Variants in LAMB1 observed in about 807,000 individuals in gnomAD.
LAMB1 encodes laminin subunit beta-1.
LAMB1 carries 121 observed loss-of-function variants against 222.3 expected under a neutral mutation model. The observed-to-expected ratio is 0.54, with a 90% CI of 0.47 to 0.63. LAMB1 has a LOEUF of 0.63. Ranked by LOEUF, LAMB1 falls within the 30% of genes least tolerant of loss-of-function variation. The pLI is 0.00. For synonymous variants in LAMB1, 794 were observed against 807.2 expected, an observed-to-expected ratio of 0.98 and a Z score of 0.28; for missense variants, 2,172 against 2,240.8, an observed-to-expected ratio of 0.97 and a Z score of 0.62.
At chr7:107,957,615 T>A (rs1584505700) in intron 20 of LAMB1, among the ~76,000 whole-genome samples, 1 of 152,204 alleles carries the variant, frequency 6.6e-6, no homozygotes, top group Non-Finnish European at 1.5e-5. Context: ...AGAAGCAGAA[T>A]TGGGCCAGGA....
At chr7:107,941,747 TG>T (rs1406424883) in intron 24 of LAMB1, among the ~76,000 whole-genome samples, 2 of 144,174 alleles carry the variant, frequency 1.4e-5, no homozygotes, top group Non-Finnish European at 3.0e-5. Context: ...CTCTGCCTCC[TG>T]GCTGGGTTCA....
At chr7:107,957,185 T>G (rs1194828590) in intron 20 of LAMB1, among the ~76,000 whole-genome samples, 2 of 151,792 alleles carry the variant, frequency 1.3e-5, no homozygotes, top group Admixed American at 1.3e-4. Flanking sequence ...AGGTTGGGAG[T>G]TTGAGACCAG....
At chr7:107,947,003 A>G (rs541240813) in intron 24 of LAMB1, among the ~76,000 whole-genome samples, 3 of 152,276 alleles carry the variant, frequency 2.0e-5, no homozygotes, top group South Asian at 4.2e-4. Context: ...TTTGCTATCT[A>G]TGAATCAACA....
At chr7:108,003,085 T>C in intron 1 of LAMB1, 26 bp downstream of exon 1, 2 of 1,200,202 alleles carry the variant, frequency 1.7e-6, no homozygotes, top group Non-Finnish European at 2.2e-6. Flanking sequence ...GTGGGGAAAA[T>C]CGTGCAGCCA....
At chr7:107,941,044 C>A in intron 24 of LAMB1, among the ~76,000 whole-genome samples, 1 of 152,196 alleles carries the variant, frequency 6.6e-6, no homozygotes, top group Non-Finnish European at 1.5e-5. Context: ...GGGGTGTCTG[C>A]CATTGTGATG....
At position 107,931,495 on chromosome 7, in the gene LAMB1, A is replaced by G. The variant is rs754147237; in HGVS notation, c.4398T>C (p.Ser1466=). 1.2e-6 allele frequency: 2 copies of G among 1,613,236 alleles called. No individual in the cohort carries two copies. The highest frequency in any genetic ancestry group is 3.3e-5 in the Admixed American group (2 of 59,958). Residue 1466 remains serine, a synonymous_variant, in exon 29 of 34, where the codon TCT becomes TCC. Coordinates refer to ENST00000222399, the MANE Select transcript of LAMB1 (RefSeq NM_002291.3). Reference sequence around the variant, plus strand: ...CCTCATCTGCCCTCAGTTTTGCTTCAGAGACCTAAATATGAAGAATAAATT... The same window carrying G: ...CCTCATCTGCCCTCAGTTTTGCTTCGGAGACCTAAATATGAAGAATAAATT... The part of the protein sequence containing the change: ...AEVEQLSKMV[S]EAKLRADEAK...
intron 15 of LAMB1, 84 bp downstream of exon 15, chr7:107,962,821 C>G (rs951073004): frequency 1.8e-6 from 2 of 1,120,102 alleles, no homozygotes; most frequent in Non-Finnish European, 2.6e-6. Context: ...TATTTCATAA[C>G]TATATATAAT....
intron 24 of LAMB1, among the ~76,000 whole-genome samples, chr7:107,943,874 G>T (rs747358129): frequency 2.0e-5 from 3 of 152,192 alleles, no homozygotes; most frequent in Non-Finnish European, 4.4e-5. Context: ...CCTTCAAAAG[G>T]TGGAGCTGGA....
At chr7:107,983,277 T>C (rs1272999370) in intron 7 of LAMB1, among the ~76,000 whole-genome samples, 1 of 152,152 alleles carries the variant, frequency 6.6e-6, no homozygotes, top group Non-Finnish European at 1.5e-5. Flanking sequence ...GGAAGTTTTT[T>C]GGGGCCTTGG....
Position 107,937,223 on chromosome 7 carries a change from A to T in LAMB1, c.3816T>A (p.Ser1272=), listed in dbSNP as rs753046569. 9 of 1,614,068 alleles carry T rather than the reference A, an allele frequency of 5.6e-6. No homozygotes were observed. Among genetic ancestry groups the T allele is most frequent in the Admixed American group, 1.7e-5 (1 of 60,030 alleles). ...TGCTGTTGCTTTGGGAAGTTGTGTCAGATAATTTCACTTCTACTTGAGCCA... is the reference window on the plus strand; with the variant it reads ...TGCTGTTGCTTTGGGAAGTTGTGTCTGATAATTTCACTTCTACTTGAGCCA... ...EMMAQVEVKL[S]DTTSQSNSTA... is the part of the protein sequence containing the mutation. The change falls in exon 26 of 34, where the codon TCT becomes TCA. Residue 1272 remains serine (S), a synonymous_variant. Coordinates refer to ENST00000222399, the MANE Select transcript of LAMB1 (RefSeq NM_002291.3).
At chr7:107,998,237 C>A in intron 4 of LAMB1, 120 bp downstream of exon 4, 1 of 941,182 alleles carries the variant, frequency 1.1e-6, no homozygotes. Context: ...GTCAATCTGT[C>A]AGAGGCCATA....
rs1312073679 is a variant in LAMB1, at chr7:107,929,573, T to C, written c.4584A>G (p.Val1528=). The C allele has an allele frequency of 1.9e-6, 3 of 1,614,142 alleles. No homozygotes were observed. In the East Asian group the frequency reaches 6.7e-5, roughly 36 times the overall value. The stretch of plus-strand genomic sequence containing the variant: ...GGGTGCTAGGCATCTCCATTTTCAA[T>C]ACTTCATTAGCAACTGCTTCAATGC... ...LDSIEAVANE[V]LKMEMPSTPQ... Residue 1528 remains valine, a synonymous_variant, in exon 30 of 34, where the codon GTA becomes GTG. Transcript: ENST00000222399.
At chr7:107,975,624 G>T in intron 10 of LAMB1, 65 bp downstream of exon 10, 1 of 1,462,494 alleles carries the variant, frequency 6.8e-7, no homozygotes, top group South Asian at 1.3e-5. Flanking sequence ...TGAGACTACT[G>T]ACTATTCAGT....
intron 5 of LAMB1, among the ~76,000 whole-genome samples, chr7:107,991,862 C>T (rs1020981669): frequency 3.5e-5 from 5 of 141,362 alleles, no homozygotes; most frequent in East Asian, 4.2e-4. Context: ...GAGCTGAGAT[C>T]GCGCCACTGC....
chr7:107,992,160 G>A (rs1448893980), intron 5 of LAMB1, among the ~76,000 whole-genome samples: 1 of 152,070 alleles, frequency 6.6e-6, no homozygotes, highest in African/African-American at 2.4e-5. Flanking sequence ...GCCATGAATG[G>A]CCTTTCTTCC....
Position 107,940,308 on chromosome 7 carries a change from T to C in LAMB1, c.3442A>G (p.Thr1148Ala), listed in dbSNP as rs1248711031. Residue 1148 changes from threonine (T) to alanine (A), a missense_variant, in exon 25 of 34, where the codon ACG (threonine) becomes GCG (alanine). Physicochemically the swap from Thr to Ala is moderately conservative, Grantham distance 58. Coordinates refer to ENST00000222399, the MANE Select transcript of LAMB1 (RefSeq NM_002291.3). ...CCCTCAACGCAGACACACTGGCCCG[T>C]GGACTGGTCACACTGTGGCGTCTCA... is the stretch of plus-strand genomic sequence containing the variant. ...GIETPQCDQS[T>A]GQCVCVEGVE... 1 of 1,614,076 alleles carries C rather than the reference T, an allele frequency of 6.2e-7. No individual in the cohort carries two copies. The highest frequency in any genetic ancestry group is 1.3e-5 in the African/African-American group (1 of 74,924).
intron 28 of LAMB1, chr7:107,931,723 T>A: frequency 1.9e-6 from 1 of 538,690 alleles, no homozygotes; most frequent in Non-Finnish European, 3.2e-6. Flanking sequence ...AACTAGCATT[T>A]AAAATTTTTC....
At chr7:107,929,289 TC>T in intron 30 of LAMB1, 84 bp from the exon 31 acceptor site, 1 of 1,545,666 alleles carries the variant, frequency 6.5e-7, no homozygotes, top group African/African-American at 1.4e-5. Context: ...AGAATAGCCT[TC>T]CTGAAATGAC....
chr7:107,928,955 C>A, intron 31 of LAMB1, 109 bp downstream of exon 31: 1 of 1,042,174 alleles, frequency 9.6e-7, no homozygotes, highest in Non-Finnish European at 1.5e-6. Context: ...TTAAAGGAAT[C>A]CTTTAATGTT....
Sources: gnomAD v4.1 joint callset for allele counts (sites outside exome capture counted in the v4.1 genomes callset) on GRCh38, gnomAD v4.1.1 for gene constraint, MANE v1.5 for transcripts, NCBI Gene and HGNC (gene_info 2026-07-23, HGNC 2026-07-21) for gene names.